Variants in JPT2 observed in about 807,000 individuals in gnomAD.
JPT2 encodes CRAMP_1 like.
Under a neutral mutation model 15.9 loss-of-function variants are expected in JPT2, and 9 were observed. The observed-to-expected ratio is 0.57, with a 90% CI of 0.34 to 0.99. The LOEUF is 0.99. Ranked by LOEUF, JPT2 falls within the 50% of genes least tolerant of loss-of-function variation. The pLI is 0.02. For missense variants in JPT2, 267 were observed against 252.1 expected, an observed-to-expected ratio of 1.06 and a Z score of -0.40; for synonymous variants, 95 against 91.7, an observed-to-expected ratio of 1.04 and a Z score of -0.21.
chr16:1,685,321 T>A, intron 1 of JPT2, 118 bp from the exon 2 acceptor site: 1 of 1,112,170 alleles, frequency 9.0e-7, no homozygotes, highest in African/African-American at 1.6e-5. Context: ...GAATGAGACC[T>A]TGTCTCAAAA....
intron 3 of JPT2, 116 bp downstream of exon 3, chr16:1,692,101 G>T (rs1244108515): frequency 2.3e-6 from 3 of 1,276,892 alleles, no homozygotes; most frequent in Non-Finnish European, 3.3e-6. Context: ...GGGTGCCGTA[G>T]ATTATCCTGG....
chr16:1,691,744 G>A, intron 2 of JPT2, 99 bp from the exon 3 acceptor site: 1 of 1,418,974 alleles, frequency 7.0e-7, no homozygotes, highest in South Asian at 1.4e-5. Flanking sequence ...TGGCACTCGG[G>A]GTTCCTATGA....
chr16:1,685,791 T>C (rs1004184224), intron 2 of JPT2: 16 of 505,196 alleles, frequency 3.2e-5, no homozygotes, highest in Admixed American at 2.7e-4. Context: ...CCATCTGTTC[T>C]GGAGACTTTG....
chr16:1,691,329 T>C (rs942051081), intron 2 of JPT2, among the ~76,000 whole-genome samples: 2 of 152,204 alleles, frequency 1.3e-5, no homozygotes, highest in African/African-American at 4.8e-5. Context: ...TGCTGACATA[T>C]CTAGTCACTG....
rs569792478 is a variant in JPT2 at position 1,680,735 on chromosome 16, T to C, written c.44+2379T>C. On this transcript the variant is annotated intron_variant, in intron 1 of 4. Coordinates refer to ENST00000248098, the MANE Select transcript of JPT2 (RefSeq NM_144570.3). ...TTAAAGGGGTTTCGTAAAAGCGTTA[T>C]GCTTTAGCCGCGATTAACCTGAGGT... The C allele has an allele frequency of 1.0e-4, 16 of 160,756 alleles. 1 individual carries two copies. In the South Asian group the frequency reaches 2.3e-3, roughly 23 times the overall value. 10.0% of individuals were successfully genotyped at this position (160,756 alleles called of 1,614,324 possible). A position where few individuals can be genotyped will look rare whatever the true frequency, so the allele number is the denominator to read the frequency against.
chr16:1,686,450 G>C (rs559325456), intron 2 of JPT2: 1 of 155,248 alleles, frequency 6.4e-6, no homozygotes, highest in East Asian at 1.8e-4. Context: ...CTAGCACTTT[G>C]GGAGGCCAAG....
rs1267172859 is a variant in JPT2, at chr16:1,700,543, G to A, written c.*1545G>A. The A allele has an allele frequency of 1.6e-5, 3 of 185,888 alleles. No individual in the cohort carries two copies. The highest frequency in any genetic ancestry group is 1.1e-4 in the East Asian group (1 of 8,730). The allele number at this position is 185,888 out of a possible 1,614,324, so 11.5% of individuals were successfully genotyped here. The stretch of plus-strand genomic sequence containing the variant: ...GCTTAAGTGCCTGCAGGAGCCGCCT[G>A]CCAAGCTCCCCTTCCTACACCTGGC... On this transcript the variant is annotated 3_prime_UTR_variant, in exon 5 of 5. Transcript: ENST00000248098.
At chr16:1,702,592 G>T (rs1243556615), downstream of JPT2, among the ~76,000 whole-genome samples, 1 of 152,206 alleles carries the variant, frequency 6.6e-6, no homozygotes, top group Non-Finnish European at 1.5e-5. Flanking sequence ...TATGATCTTT[G>T]TGGTGTACCT....
intron 1 of JPT2, chr16:1,683,684 T>A: frequency 1.1e-6 from 1 of 884,978 alleles, no homozygotes; most frequent in Non-Finnish European, 1.8e-6. Context: ...CTTCCTGCTT[T>A]ATAGCAGGAG....
In JPT2 at chr16:1,701,994, G is replaced by A; in HGVS notation, c.*2996G>A. On this transcript the variant is annotated 3_prime_UTR_variant, in exon 5 of 5. Coordinates refer to ENST00000248098, the MANE Select transcript of JPT2 (RefSeq NM_144570.3). ...CCAGGAGGTTGTGGCTGTAGTGAGT[G>A]ATGATCATGCCACTGCACTTCAGCC... 2 of 382,282 alleles carry A rather than the reference G, an allele frequency of 5.2e-6. No individual in the cohort carries two copies. The highest frequency in any genetic ancestry group is 1.1e-5 in the Non-Finnish European group (2 of 187,178). The allele number at this position is 382,282 out of a possible 1,614,324, so 23.7% of individuals were successfully genotyped here. A position where few individuals can be genotyped will look rare whatever the true frequency, so the allele number is the denominator to read the frequency against.
At chr16:1,680,290 G>T in intron 1 of JPT2, 1 of 990,354 alleles carries the variant, frequency 1.0e-6, no homozygotes. Context: ...CTGGCTGCCC[G>T]GTAAATGATG....
At chr16:1,683,421 C>G (rs1596505127) in intron 1 of JPT2, 1 of 854,986 alleles carries the variant, frequency 1.2e-6, no homozygotes, top group East Asian at 2.7e-5. Context: ...AGCCCTTTCT[C>G]ATTTAAGCTT....
rs772412005 is a variant in JPT2 at position 1,678,284 on chromosome 16, G to C, written c.-29G>C. On this transcript the variant is annotated 5_prime_UTR_variant, in exon 1 of 5. Transcript: ENST00000248098. The stretch of plus-strand genomic sequence containing the variant: ...TGCGCTGGGCGGGCGGGAACGGCGC[G>C]CGGCGAGCTGAGGGTGGCGGCGGTC... The C allele has an allele frequency of 8.1e-7, 1 of 1,235,446 alleles. No individual in the cohort carries two copies. The highest frequency in any genetic ancestry group is 1.6e-5 in the African/African-American group (1 of 64,228). 76.5% of individuals were successfully genotyped at this position (1,235,446 alleles called of 1,614,324 possible).
intron 3 of JPT2, among the ~76,000 whole-genome samples, chr16:1,693,039 T>C (rs1366701658): frequency 2.0e-5 from 3 of 152,190 alleles, no homozygotes; most frequent in African/African-American, 7.2e-5. Context: ...CTCTTTCCAG[T>C]GTATAGAGTC....
At chr16:1,687,528 C>T (rs918218187) in intron 2 of JPT2, among the ~76,000 whole-genome samples, 18 of 152,182 alleles carry the variant, frequency 1.2e-4, no homozygotes, top group Non-Finnish European at 1.5e-5. Flanking sequence ...CCCTACTCAG[C>T]AGAGTCATGT....
intron 3 of JPT2, chr16:1,692,344 C>T (rs1596508501): frequency 3.8e-6 from 1 of 265,870 alleles, no homozygotes; most frequent in Non-Finnish European, 7.3e-6. Flanking sequence ...CTTCCTGTTT[C>T]ACCTTGCAGA....
intron 1 of JPT2, chr16:1,680,250 A>G: frequency 1.2e-6 from 1 of 819,792 alleles, no homozygotes; most frequent in Non-Finnish European, 1.5e-6. Flanking sequence ...TGCATTTAGT[A>G]CGTTTCCTTT....
At chr16:1,695,049 C>G (rs377167207) in intron 3 of JPT2, among the ~76,000 whole-genome samples, 38 of 152,284 alleles carry the variant, frequency 2.5e-4, no homozygotes, top group East Asian at 1.9e-3. Context: ...ATCACTTGAG[C>G]CCAGGAGTTC....
chr16:1,681,683 G>C (rs1033577280), intron 1 of JPT2, among the ~76,000 whole-genome samples: 1 of 152,190 alleles, frequency 6.6e-6, no homozygotes, highest in East Asian at 1.9e-4. Context: ...AGCTCCTCCG[G>C]GGTAAGGACT....
Sources: gnomAD v4.1 joint callset for allele counts (sites outside exome capture counted in the v4.1 genomes callset) on GRCh38, gnomAD v4.1.1 for gene constraint, MANE v1.5 for transcripts, NCBI Gene and HGNC (gene_info 2026-07-23, HGNC 2026-07-21) for gene names.